SLC14A2: variants seen among roughly 807,000 people sequenced by gnomAD.
SLC14A2 encodes urea transporter 2.
SLC14A2 carries 91 observed loss-of-function variants against 104.6 expected under a neutral mutation model. The ratio of observed to expected loss-of-function variants is 0.87; its 90% confidence interval spans 0.73 to 1.04. SLC14A2 has a LOEUF of 1.04. Ranked by LOEUF, SLC14A2 falls within the 50% of genes least tolerant of loss-of-function variation. The probability of loss-of-function intolerance (pLI) is 0.00; values close to 1 mark genes in which losing one functional copy is unlikely to be tolerated. For synonymous variants in SLC14A2, 476 were observed against 466.4 expected, an observed-to-expected ratio of 1.02 and a Z score of -0.27; for missense variants, 1,189 against 1,156.0, an observed-to-expected ratio of 1.03 and a Z score of -0.41.
chr18:45,309,088 A>C (rs2085052547), intron 1 of SLC14A2, among the ~76,000 whole-genome samples: 1 of 152,118 alleles, frequency 6.6e-6, no homozygotes, highest in African/African-American at 2.4e-5. Flanking sequence ...AGTCATTGAG[A>C]GATTTGGTTT....
At chr18:45,678,565 C>A (rs552386017) in intron 18 of SLC14A2, among the ~76,000 whole-genome samples, 2 of 152,226 alleles carry the variant, frequency 1.3e-5, no homozygotes, top group Non-Finnish European at 2.9e-5. Context: ...GCTTTCAGAA[C>A]GCTGCTCTTC....
intron 2 of SLC14A2, among the ~76,000 whole-genome samples, chr18:45,558,436 G>A (rs1456407952): frequency 1.3e-5 from 2 of 152,208 alleles, no homozygotes; most frequent in Non-Finnish European, 2.9e-5. Flanking sequence ...AGAGAGGAAT[G>A]GCACTGGTAA....
chr18:45,339,828 G>C (rs559421903), intron 1 of SLC14A2, among the ~76,000 whole-genome samples: 1 of 152,294 alleles, frequency 6.6e-6, no homozygotes, highest in South Asian at 2.1e-4. Flanking sequence ...TGTCCAAAGG[G>C]GGACACTTCA....
chr18:45,456,248 G>A (rs2086941872), intron 1 of SLC14A2, among the ~76,000 whole-genome samples: 1 of 152,192 alleles, frequency 6.6e-6, no homozygotes, highest in Non-Finnish European at 1.5e-5. Flanking sequence ...GGAAGAGGAA[G>A]AGGAAGTGCT....
chr18:45,497,113 C>CAT (rs2144748085), intron 2 of SLC14A2, among the ~76,000 whole-genome samples: 1 of 152,220 alleles, frequency 6.6e-6, no homozygotes, highest in South Asian at 2.1e-4. Flanking sequence ...AATAAACTCC[C>CAT]ATATATATGG....
intron 18 of SLC14A2, among the ~76,000 whole-genome samples, chr18:45,676,186 C>T (rs931595654): frequency 5.9e-5 from 9 of 152,134 alleles, no homozygotes; most frequent in African/African-American, 2.2e-4. Flanking sequence ...AATTAAAAGT[C>T]TGAATGCTAG....
the SLC14A2 span, among the ~76,000 whole-genome samples, chr18:45,200,059 G>A: frequency 1.3e-5 from 2 of 152,002 alleles, no homozygotes; most frequent in African/African-American, 4.8e-5. Flanking sequence ...TATATCTATA[G>A]GTTTTCTTTC....
chr18:45,403,660 AC>A (rs1269860745), intron 1 of SLC14A2, among the ~76,000 whole-genome samples: 3 of 151,800 alleles, frequency 2.0e-5, no homozygotes, highest in Non-Finnish European at 4.4e-5. Flanking sequence ...GGCCTAATTC[AC>A]CCTGTAACTC....
intron 10 of SLC14A2, among the ~76,000 whole-genome samples, chr18:45,654,609 C>G (rs1016565536): frequency 1.3e-5 from 2 of 152,172 alleles, no homozygotes; most frequent in African/African-American, 4.8e-5. Context: ...GGGAACCTTA[C>G]TAAGAATTCC....
At chr18:45,307,142 C>T (rs1265581852) in intron 1 of SLC14A2, among the ~76,000 whole-genome samples, 3 of 152,050 alleles carry the variant, frequency 2.0e-5, no homozygotes, top group Non-Finnish European at 2.9e-5. Context: ...CTTGGCCGGG[C>T]GTGGTGGCTC....
At chr18:45,238,424 C>G (rs1038550198) in intron 1 of SLC14A2, among the ~76,000 whole-genome samples, 1 of 152,208 alleles carries the variant, frequency 6.6e-6, no homozygotes, top group South Asian at 2.1e-4. Flanking sequence ...TGGCAGCACA[C>G]TGTTGAAGAC....
the SLC14A2 span, among the ~76,000 whole-genome samples, chr18:45,185,592 G>T: frequency 1.3e-5 from 2 of 152,112 alleles, no homozygotes; most frequent in Non-Finnish European, 2.9e-5. Flanking sequence ...AAGAAGACAA[G>T]GATGTCTACC....
intron 2 of SLC14A2, among the ~76,000 whole-genome samples, chr18:45,510,508 A>G (rs530111671): frequency 6.6e-6 from 1 of 152,228 alleles, no homozygotes; most frequent in Admixed American, 6.5e-5. Context: ...TGGTGCCCAC[A>G]GGAGGACAGC....
chr18:45,681,641 G>T (rs2046310440), intron 19 of SLC14A2, among the ~76,000 whole-genome samples: 1 of 152,168 alleles, frequency 6.6e-6, no homozygotes, highest in Non-Finnish European at 1.5e-5. Context: ...ACACATCTTT[G>T]CCTCTCTCCA....
rs776377373 is a variant in SLC14A2 at position 45,673,695 on chromosome 18, C to T, written c.2390C>T (p.Ala797Val). 48 of 1,613,890 alleles carry T rather than the reference C, an allele frequency of 3.0e-5. No individual in the cohort carries two copies. The highest frequency in any genetic ancestry group is 1.6e-4 in the Middle Eastern group (1 of 6,084). The change falls in exon 18 of 20, where the codon GCG becomes GTG. Residue 797 changes from alanine to valine, a missense_variant. Ala to Val is a moderately conservative substitution (Grantham distance 64, BLOSUM62 0). Coordinates refer to ENST00000255226, the MANE Select transcript of SLC14A2 (RefSeq NM_007163.4). ...CCTTCTGTCACAGCACTCACTATTG[C>T]GACGCCCTTTGACTCCATCTACTTC... is the stretch of plus-strand genomic sequence containing the variant. ...TMGMLAALTI[A>V]TPFDSIYFGL...
At chr18:45,569,301 C>G (rs1411434942) in intron 2 of SLC14A2, among the ~76,000 whole-genome samples, 2 of 152,198 alleles carry the variant, frequency 1.3e-5, no homozygotes, top group African/African-American at 4.8e-5. Context: ...TCACCAATAG[C>G]CTATAAATGC....
chr18:45,586,652 C>T (rs11872579), intron 2 of SLC14A2, among the ~76,000 whole-genome samples: 13,108 of 152,154 alleles, frequency 0.086, 737 homozygotes, highest in Non-Finnish European at 0.12. Flanking sequence ...CGTGCCCCAG[C>T]GTACTGCAAG....
intron 1 of SLC14A2, among the ~76,000 whole-genome samples, chr18:45,418,091 A>G (rs2086297952): frequency 6.6e-6 from 1 of 152,208 alleles, no homozygotes; most frequent in African/African-American, 2.4e-5. Flanking sequence ...TTTCCTTTGA[A>G]ATAAATGTAT....
rs555302341 is a variant in SLC14A2, at chr18:45,284,437, C to T, written c.-125+71246C>T. On this transcript the variant is annotated intron_variant, in intron 1 of 20. Transcript: ENST00000586448. Reference sequence around the variant, plus strand: ...CTGTGTTTGGCAATGTTTTGGCAGGCGCTGTCTCCTTCATGCTCTAGGTCT... The same window carrying T: ...CTGTGTTTGGCAATGTTTTGGCAGGTGCTGTCTCCTTCATGCTCTAGGTCT... Among the ~76,000 whole-genome samples the T allele has an allele frequency of 2.6e-4, 39 of 152,206 alleles. No individual in the cohort carries two copies. In the East Asian group the frequency reaches 4.1e-3, roughly 16 times the overall value.
Sources: gnomAD v4.1 joint callset for allele counts (sites outside exome capture counted in the v4.1 genomes callset) on GRCh38, gnomAD v4.1.1 for gene constraint, MANE v1.5 for transcripts, NCBI Gene and HGNC (gene_info 2026-07-23, HGNC 2026-07-21) for gene names.